Variants in SCARA5 observed in about 807,000 individuals in gnomAD.
The protein encoded by SCARA5 is scavenger receptor class A member 5, also known as scavenger receptor class A, member 5 (putative).
A neutral mutation model predicts 46.3 loss-of-function variants in SCARA5; 45 were observed. That is an observed-to-expected ratio of 0.97 (90% CI 0.76 to 1.24). The LOEUF (loss-of-function observed/expected upper bound fraction) is 1.24. Ranked by LOEUF, SCARA5 falls within the 50% of genes most tolerant of loss-of-function variation. SCARA5 has a pLI of 0.00. For synonymous variants in SCARA5, 333 were observed against 306.5 expected (o/e 1.09, Z -0.90); for missense variants, 680 against 689.0 (o/e 0.99, Z 0.15).
At chr8:27,923,139 C>T (rs1807625116) in intron 3 of SCARA5, among the ~76,000 whole-genome samples, 1 of 152,238 alleles carries the variant, frequency 6.6e-6, no homozygotes, top group Admixed American at 6.5e-5. Context: ...TAAACCTTAA[C>T]TAAGAATGCT....
intron 2 of SCARA5, among the ~76,000 whole-genome samples, chr8:27,971,205 A>G (rs1808442621): frequency 6.6e-6 from 1 of 152,252 alleles, no homozygotes; most frequent in South Asian, 2.1e-4. Context: ...ATTGCAATAC[A>G]GGGAAGAATG....
At chr8:27,898,834 T>G (rs1389784481) in intron 7 of SCARA5, among the ~76,000 whole-genome samples, 4 of 152,144 alleles carry the variant, frequency 2.6e-5, no homozygotes, top group Non-Finnish European at 4.4e-5. Context: ...TAATCAGTCA[T>G]GCTAATGTAA....
At position 27,879,555 on chromosome 8, in the gene SCARA5, T is replaced by A; in HGVS notation, c.1351+14A>T. 2 of 1,602,908 alleles carry A rather than the reference T, an allele frequency of 1.2e-6. No individual in the cohort carries two copies. The highest frequency in any genetic ancestry group is 1.7e-6 in the Non-Finnish European group (2 of 1,179,248). The stretch of plus-strand genomic sequence containing the variant: ...GGCCCTCTCCTCATGTTTTTTGCCC[T>A]CAGAGCGCCTTACCTTGCCCGAATC... On this transcript the variant is annotated intron_variant, in intron 8 of 8. Coordinates refer to ENST00000354914, the MANE Select transcript of SCARA5 (RefSeq NM_173833.6).
chr8:27,955,488 G>A lies in SCARA5; in HGVS notation c.241+10926C>T, dbSNP rs115276587. Among the ~76,000 whole-genome samples, 1,207 of 152,332 alleles carry A rather than the reference G, an allele frequency of 7.9e-3. 21 individuals carry two copies. The highest frequency in any genetic ancestry group is 0.028 in the African/African-American group (1,157 of 41,568). On this transcript the variant is annotated intron_variant, in intron 3 of 8. Transcript: ENST00000354914. ...GCCACACAGGCAAAGGAAGACTTGG[G>A]ATTCCTGTCTCTGAGCTGGAAGCAT...
chr8:27,939,320 G>C (rs548720357), intron 3 of SCARA5, among the ~76,000 whole-genome samples: 1 of 152,194 alleles, frequency 6.6e-6, no homozygotes, highest in Non-Finnish European at 1.5e-5. Context: ...CTAAAGAGAT[G>C]ACCAGTGCAA....
intron 3 of SCARA5, among the ~76,000 whole-genome samples, chr8:27,932,524 G>A (rs1807791774): frequency 6.6e-6 from 1 of 152,172 alleles, no homozygotes; most frequent in Non-Finnish European, 1.5e-5. Flanking sequence ...TGAGATCAAG[G>A]TGCCACCAGG....
intron 3 of SCARA5, among the ~76,000 whole-genome samples, chr8:27,962,765 G>A (rs990896883): frequency 2.6e-5 from 4 of 152,176 alleles, no homozygotes; most frequent in South Asian, 2.1e-4. Context: ...CAGAAACTAC[G>A]TCACATTGCC....
chr8:27,975,160 C>G (rs887425906), intron 2 of SCARA5, among the ~76,000 whole-genome samples: 8 of 152,062 alleles, frequency 5.3e-5, no homozygotes, highest in African/African-American at 1.9e-4. Context: ...ATCAATCATG[C>G]CTACATAATG....
intron 3 of SCARA5, among the ~76,000 whole-genome samples, chr8:27,952,647 G>T (rs1808146475): frequency 6.6e-6 from 1 of 152,204 alleles, no homozygotes; most frequent in Non-Finnish European, 1.5e-5. Flanking sequence ...CCTGCAAATT[G>T]GTGCAGTCTT....
In SCARA5 at chr8:27,871,478, G is replaced by A. The variant is rs192237833; in HGVS notation, c.*456C>T. 2.4e-5 allele frequency: 24 copies of A among 990,496 alleles called. No individual in the cohort carries two copies. The African/African-American group carries it at 3.5e-4, about 14-fold the overall frequency. The allele number at this position is 990,496 out of a possible 1,614,324, so 61.4% of individuals were successfully genotyped here. On this transcript the variant is annotated 3_prime_UTR_variant, in exon 9 of 9. Coordinates refer to ENST00000354914, the MANE Select transcript of SCARA5 (RefSeq NM_173833.6). ...TCACTTGACGTTGCCTCTTGCTGGG[G>A]AGGAAGATGTAGAAACTCTTGGACT... is the stretch of plus-strand genomic sequence containing the variant.
intron 1 of SCARA5, among the ~76,000 whole-genome samples, chr8:27,989,670 A>C (rs1238835752): frequency 6.6e-6 from 1 of 152,170 alleles, no homozygotes; most frequent in East Asian, 1.9e-4. Context: ...GGAGGGATGG[A>C]ACAGGGGGTG....
intron 2 of SCARA5, among the ~76,000 whole-genome samples, chr8:27,979,342 C>T (rs1362400187): frequency 6.6e-6 from 1 of 152,222 alleles, no homozygotes; most frequent in Non-Finnish European, 1.5e-5. Context: ...TAGGACCTCA[C>T]ATTTTTGGGG....
At chr8:27,982,832 C>G (rs960616818) in intron 2 of SCARA5, among the ~76,000 whole-genome samples, 1 of 152,136 alleles carries the variant, frequency 6.6e-6, no homozygotes, top group Non-Finnish European at 1.5e-5. Flanking sequence ...AGTCCCTCCT[C>G]TTCCCATCTC....
chr8:27,954,824 A>C (rs1354962170), intron 3 of SCARA5, among the ~76,000 whole-genome samples: 1 of 152,224 alleles, frequency 6.6e-6, no homozygotes, highest in East Asian at 1.9e-4. Context: ...TGGTCAGGGG[A>C]CAAGTGTTAA....
rs772791600 is a variant in SCARA5 at position 27,941,793 on chromosome 8, ACAT to A, written c.242-19551_242-19549del. Among the ~76,000 whole-genome samples the A allele has an allele frequency of 8.3e-3, 1,017 of 122,034 alleles. 8 individuals carry two copies. Among genetic ancestry groups the A allele is most frequent in the African/African-American group, 0.012 (398 of 32,174 alleles). The allele number at this position is 122,034 out of a possible 152,430, so 80.1% of individuals were successfully genotyped here. ...CTTGACCAACATTTAATCCCCATTT[ACAT>A]CATCATTATTATTATTATTATTATT... On this transcript the variant is annotated intron_variant, in intron 3 of 8. Transcript: ENST00000354914.
intron 4 of SCARA5, among the ~76,000 whole-genome samples, chr8:27,917,198 C>T (rs952724933): frequency 1.3e-5 from 2 of 152,138 alleles, no homozygotes; most frequent in African/African-American, 4.8e-5. Flanking sequence ...CATCAAGAAT[C>T]CAAAGCTTAA....
chr8:27,952,056 A>ATCCTAAAC (rs33969046), intron 3 of SCARA5, among the ~76,000 whole-genome samples: 1 of 151,970 alleles, frequency 6.6e-6, no homozygotes, highest in African/African-American at 2.4e-5. Context: ...TGGGTTGGGG[A>ATCCTAAAC]CCAATATGAT....
chr8:27,946,795 C>CT (rs1305599170), intron 3 of SCARA5, among the ~76,000 whole-genome samples: 1 of 152,172 alleles, frequency 6.6e-6, no homozygotes, highest in East Asian at 1.9e-4. Context: ...GAATGCCCCC[C>CT]TTTCTGATTT....
intron 4 of SCARA5, chr8:27,910,110 C>T (rs529206825): frequency 8.2e-5 from 16 of 195,524 alleles, no homozygotes; most frequent in Admixed American, 6.4e-4. Flanking sequence ...GATGAAGTCA[C>T]GGGGGTCAGC....
Sources: allele counts gnomAD v4.1 joint callset (sites outside exome capture counted in the v4.1 genomes callset), GRCh38; gene constraint gnomAD v4.1.1; transcripts MANE v1.5; gene names NCBI Gene and HGNC (gene_info 2026-07-23, HGNC 2026-07-21).